The following EEPD1 variants were observed in gnomAD, a reference collection of about 807,000 sequenced individuals.
EEPD1 encodes endonuclease/exonuclease/phosphatase family domain containing 1, also known as endonuclease/exonuclease/phosphatase family domain-containing protein 1.
In EEPD1, 17 loss-of-function variants were observed where a neutral mutation model predicts 46.3. That is an observed-to-expected ratio of 0.37 (90% CI 0.25 to 0.55). The LOEUF (loss-of-function observed/expected upper bound fraction) is 0.55. EEPD1 is among the 20% of genes least tolerant of loss of function. The probability of loss-of-function intolerance (pLI) is 0.83; values close to 1 mark genes in which losing one functional copy is unlikely to be tolerated. For synonymous variants in EEPD1, 313 were observed against 315.6 expected (o/e 0.99, Z 0.09); for missense variants, 673 against 745.6 (o/e 0.90, Z 1.13).
chr7:36,279,634 G>T (rs1467754872), intron 3 of EEPD1, among the ~76,000 whole-genome samples: 2 of 152,178 alleles, frequency 1.3e-5, no homozygotes, highest in Non-Finnish European at 2.9e-5. Flanking sequence ...CTCACACACC[G>T]CCAGGATCTG....
intron 6 of EEPD1, among the ~76,000 whole-genome samples, chr7:36,296,694 CTTTTTTTTT>C (rs60706978): frequency 3.6e-5 from 3 of 83,154 alleles, no homozygotes; most frequent in African/African-American, 9.4e-5. Flanking sequence ...ACCCTTAGGT[CTTTTTTTTT>C]TTTTTTTTTT....
chr7:36,160,680 G>GGC lies in EEPD1; in HGVS notation c.878+5479_878+5480insCG, dbSNP rs1554308601. Among the ~76,000 whole-genome samples the GGC allele has an allele frequency of 4.2e-5, 5 of 118,768 alleles. 1 individual carries two copies. The highest frequency in any genetic ancestry group is 1.8e-4 in the Admixed American group (2 of 11,408). The allele number at this position is 118,768 out of a possible 152,430, so 77.9% of individuals were successfully genotyped here. A position where few individuals can be genotyped will look rare whatever the true frequency, so the allele number is the denominator to read the frequency against. Reference sequence around the variant, plus strand: ...AGTCTGACTGCTGGGAGGTGGTGGGGGGCGGGGCGTGCATGGAGAGGGTCC... The same window carrying GGC: ...AGTCTGACTGCTGGGAGGTGGTGGGGGCGGCGGGGCGTGCATGGAGAGGGTCC... On this transcript the variant is annotated intron_variant, in intron 2 of 7. Transcript: ENST00000242108.
In EEPD1 at chr7:36,280,782, C is replaced by T. The variant is rs375373849; in HGVS notation, c.931-333C>T. 4.6e-5 allele frequency among the ~76,000 whole-genome samples: 7 copies of T among 152,218 alleles called. No homozygotes were observed. In the East Asian group the frequency reaches 5.8e-4, roughly 13 times the overall value. On this transcript the variant is annotated intron_variant, in intron 3 of 7. Coordinates refer to ENST00000242108, the MANE Select transcript of EEPD1 (RefSeq NM_030636.3). ...CCAGATCCTCCTGGGACCTTCAATC[C>T]GCTGCTTTTACAAGGATGAAAAGGA... is the stretch of plus-strand genomic sequence containing the variant.
intron 3 of EEPD1, among the ~76,000 whole-genome samples, chr7:36,248,994 A>AACGCACAC (rs1554318799): frequency 7.4e-6 from 1 of 135,350 alleles, no homozygotes; most frequent in Non-Finnish European, 1.6e-5. Flanking sequence ...TGGTTCATTA[A>AACGCACAC]ACACACACAC....
chr7:36,277,297 C>G (rs1787196497), intron 3 of EEPD1, among the ~76,000 whole-genome samples: 1 of 152,348 alleles, frequency 6.6e-6, no homozygotes, highest in African/African-American at 2.4e-5. Flanking sequence ...TTGGGCTTAA[C>G]CTTTCTGTGC....
At chr7:36,278,668 G>A (rs1787217735) in intron 3 of EEPD1, among the ~76,000 whole-genome samples, 1 of 152,212 alleles carries the variant, frequency 6.6e-6, no homozygotes, top group African/African-American at 2.4e-5. Flanking sequence ...CAGCACTAAT[G>A]ATCACTCAGC....
intron 2 of EEPD1, among the ~76,000 whole-genome samples, chr7:36,174,179 G>A (rs531307654): frequency 1.4e-4 from 22 of 152,276 alleles, no homozygotes; most frequent in Admixed American, 1.4e-3. Context: ...CAGTTCTGGG[G>A]CATGTTTGCG....
At chr7:36,222,169 C>G (rs948864168) in intron 2 of EEPD1, among the ~76,000 whole-genome samples, 1 of 152,088 alleles carries the variant, frequency 6.6e-6, no homozygotes, top group African/African-American at 2.4e-5. Flanking sequence ...TACTGTTGAC[C>G]AGAAGCCTTA....
chr7:36,258,628 A>G (rs1002041904), intron 3 of EEPD1, among the ~76,000 whole-genome samples: 1 of 152,000 alleles, frequency 6.6e-6, no homozygotes, highest in African/African-American at 2.4e-5. Context: ...TTACATTGTG[A>G]GGGGAAAGCC....
rs901605453 is a variant in EEPD1 at position 36,212,686 on chromosome 7, G to A, written c.879-26299G>A. On this transcript the variant is annotated intron_variant, in intron 2 of 7. Coordinates refer to ENST00000242108, the MANE Select transcript of EEPD1 (RefSeq NM_030636.3). ...GGGGGCCACTGTGTAACCATCTACC[G>A]TATGTATTCATGATATGATTGCAGT... Among the ~76,000 whole-genome samples the A allele has an allele frequency of 4.6e-5, 7 of 151,008 alleles. No individual in the cohort carries two copies. The East Asian group carries it at 7.8e-4, about 17-fold the overall frequency.
chr7:36,167,718 A>T (rs1190828566), intron 2 of EEPD1, among the ~76,000 whole-genome samples: 3 of 151,804 alleles, frequency 2.0e-5, no homozygotes, highest in Non-Finnish European at 4.4e-5. Flanking sequence ...GCCCTTTATT[A>T]TTATTATTAT....
At chr7:36,172,617 GTT>G (rs70977113) in intron 2 of EEPD1, among the ~76,000 whole-genome samples, 7,836 of 100,066 alleles carry the variant, frequency 0.078, 278 homozygotes, top group African/African-American at 0.14. Context: ...AATATTATGA[GTT>G]TTTTTTTTTT....
At chr7:36,268,724 A>G (rs2115844824) in intron 3 of EEPD1, among the ~76,000 whole-genome samples, 1 of 152,294 alleles carries the variant, frequency 6.6e-6, no homozygotes, top group Non-Finnish European at 1.5e-5. Context: ...GGAGCAGCCC[A>G]GTGTGTCTAA....
chr7:36,241,850 A>T (rs1786559015), intron 3 of EEPD1, among the ~76,000 whole-genome samples: 1 of 152,230 alleles, frequency 6.6e-6, no homozygotes, highest in African/African-American at 2.4e-5. Flanking sequence ...TCTGGGCGAG[A>T]GAGTAGGACC....
At chr7:36,220,119 G>T (rs1285343650) in intron 2 of EEPD1, among the ~76,000 whole-genome samples, 4 of 152,106 alleles carry the variant, frequency 2.6e-5, no homozygotes. Context: ...AAACTAGTTT[G>T]ATCTTGTTGT....
At chr7:36,167,841 G>A (rs761885412) in intron 2 of EEPD1, among the ~76,000 whole-genome samples, 3 of 152,046 alleles carry the variant, frequency 2.0e-5, no homozygotes, top group Admixed American at 6.6e-5. Flanking sequence ...TCAGCCTGCC[G>A]AGTAGCTGGG....
chr7:36,256,936 A>G (rs1239587163), intron 3 of EEPD1, among the ~76,000 whole-genome samples: 2 of 152,092 alleles, frequency 1.3e-5, no homozygotes, highest in African/African-American at 2.4e-5. Flanking sequence ...ACAATTTGGT[A>G]TATTTTTGCA....
intron 3 of EEPD1, among the ~76,000 whole-genome samples, chr7:36,264,427 G>A (rs560142127): frequency 6.6e-5 from 10 of 152,128 alleles, no homozygotes; most frequent in African/African-American, 1.9e-4. Context: ...CCTCCCACCC[G>A]CACAGAGCCA....
In EEPD1 at chr7:36,254,600, G is replaced by A. The variant is rs140152835; in HGVS notation, c.930+15564G>A. 4.8e-3 allele frequency among the ~76,000 whole-genome samples: 731 copies of A among 152,256 alleles called. 3 individuals are homozygous for A. Among genetic ancestry groups the A allele is most frequent in the African/African-American group, 0.017 (694 of 41,534 alleles). ...CTGCAATAAATATACGTGTGCATGT[G>A]TCTTTATAGTAGAATGGTTTATAAT... is the stretch of plus-strand genomic sequence containing the variant. On this transcript the variant is annotated intron_variant, in intron 3 of 7. Transcript: ENST00000242108.
Sources: gnomAD v4.1 joint callset for allele counts (sites outside exome capture counted in the v4.1 genomes callset) on GRCh38, gnomAD v4.1.1 for gene constraint, MANE v1.5 for transcripts, NCBI Gene and HGNC (gene_info 2026-07-23, HGNC 2026-07-21) for gene names.